Variants in PARD6G observed in about 807,000 individuals in gnomAD.
PARD6G encodes the protein partitioning defective 6 homolog gamma.
PARD6G carries 7 observed loss-of-function variants against 10.7 expected under a neutral mutation model. The ratio of observed to expected loss-of-function variants is 0.66; its 90% CI spans 0.37 to 1.23. The LOEUF is 1.23. PARD6G is among the 50% of genes most tolerant of loss of function. The pLI, the probability that PARD6G is intolerant of heterozygous loss-of-function variation, is 0.02. For synonymous variants in PARD6G, 287 were observed against 269.4 expected, an observed-to-expected ratio of 1.07 and a Z score of -0.64; for missense variants, 548 against 571.8, an observed-to-expected ratio of 0.96 and a Z score of 0.42.
rs1419958018 is a variant in PARD6G, at chr18:80,184,281, G to A, written c.295+18429C>T. On this transcript the variant is annotated intron_variant, in intron 2 of 2. Transcript: ENST00000353265. This position sits in a 1 kb window ranked among gnomAD's most constrained non-coding sequence, Gnocchi z 4.5. ...GCAACTCTATGTTGACGCCTCTGAG[G>A]AACTGCCGGGCTGCAGTGAATCCAG... 2 of 152,276 alleles carry A rather than the reference G, an allele frequency of 1.3e-5. No individual in the cohort carries two copies. The highest frequency in any genetic ancestry group is 4.8e-5 in the African/African-American group (2 of 41,460). 9.4% of individuals were successfully genotyped at this position (152,276 alleles called of 1,614,324 possible).
chr18:80,221,764 C>CAG (rs1213550486), intron 1 of PARD6G, among the ~76,000 whole-genome samples: 1 of 152,186 alleles, frequency 6.6e-6, no homozygotes, highest in Non-Finnish European at 1.5e-5. Flanking sequence ...TCTCTATTCA[C>CAG]AGATGATATG....
chr18:80,229,565 G>C (rs544872110), intron 1 of PARD6G, among the ~76,000 whole-genome samples: 52 of 152,310 alleles, frequency 3.4e-4, no homozygotes, highest in Non-Finnish European at 5.7e-4. Flanking sequence ...CTCTACACCA[G>C]ACCCGGAGTC....
At chr18:80,243,266 T>C (rs1200006274) in intron 1 of PARD6G, among the ~76,000 whole-genome samples, 1 of 152,218 alleles carries the variant, frequency 6.6e-6, no homozygotes, top group Admixed American at 6.5e-5. Context: ...TGCAGTCTTT[T>C]CTGTTGTCTA....
At chr18:80,214,652 G>A (rs928964654) in intron 1 of PARD6G, among the ~76,000 whole-genome samples, 11 of 152,052 alleles carry the variant, frequency 7.2e-5, no homozygotes, top group African/African-American at 2.4e-4. Flanking sequence ...TAGGTACATT[G>A]AGATTATCCA....
chr18:80,224,656 G>T (rs957001181), intron 1 of PARD6G, among the ~76,000 whole-genome samples: 8 of 152,162 alleles, frequency 5.3e-5, no homozygotes, highest in African/African-American at 1.9e-4. Flanking sequence ...GACCAACCTG[G>T]CTAACACGGT....
In PARD6G at chr18:80,160,281, G is replaced by A. The variant is rs776313209; in HGVS notation, c.621C>T (p.Thr207=). 2.7e-5 allele frequency: 43 copies of A among 1,612,026 alleles called. No homozygotes were observed. Among genetic ancestry groups the A allele is most frequent in the Admixed American group, 1.7e-4 (10 of 59,978 alleles). The change falls in exon 3 of 3, where the codon ACC becomes ACT. Residue 207 remains threonine (T), a synonymous_variant. Transcript: ENST00000353265. ...CCTCGTCATTCACAGCCAGCAGCCC[G>A]GTGCTCTCCGCCAGGCCCCCGGGTA... ...RMVPGGLAES[T]GLLAVNDEVL... is the part of the protein sequence containing the mutation.
chr18:80,167,873 T>G (rs1413652222), intron 2 of PARD6G, among the ~76,000 whole-genome samples: 5 of 152,104 alleles, frequency 3.3e-5, no homozygotes. Context: ...GTTCATAAAC[T>G]AATTCTGAAT....
rs753753629 is a variant in PARD6G at position 80,181,762 on chromosome 18, G to A, written c.295+20948C>T. On this transcript the variant is annotated intron_variant, in intron 2 of 2. Coordinates refer to ENST00000353265, the MANE Select transcript of PARD6G (RefSeq NM_032510.4). This position sits in a 1 kb window ranked among gnomAD's most constrained non-coding sequence, Gnocchi z 7.9. ...GCTCCTGGCCTTCCTGATGGGCATC[G>A]GCTCCCCATTCCTCGCGTCCTCTCC... Among the ~76,000 whole-genome samples the A allele has an allele frequency of 6.6e-6, 1 of 152,084 alleles. No homozygotes were observed. Among genetic ancestry groups the A allele is most frequent in the South Asian group, 2.1e-4 (1 of 4,816 alleles).
intron 1 of PARD6G, among the ~76,000 whole-genome samples, chr18:80,238,563 G>A (rs1967453014): frequency 6.6e-6 from 1 of 151,852 alleles, no homozygotes; most frequent in African/African-American, 2.4e-5. Context: ...CTGGTCTGGC[G>A]ATAGAGACCC....
rs1373831972 is a variant in PARD6G at position 80,200,201 on chromosome 18, A to AG, written c.295+2508dup. 6.6e-6 allele frequency among the ~76,000 whole-genome samples: 1 copy of AG among 152,154 alleles called. No individual in the cohort carries two copies. The highest frequency in any genetic ancestry group is 2.4e-5 in the African/African-American group (1 of 41,436). On this transcript the variant is annotated intron_variant, in intron 2 of 2. Coordinates refer to ENST00000353265, the MANE Select transcript of PARD6G (RefSeq NM_032510.4). This position sits in a 1 kb window ranked among gnomAD's most constrained non-coding sequence, Gnocchi z 4.4. ...GCTGTGGGATTGAGTGTTGCCTCTC[A>AG]GGGGCCTCAGCTCTGCCCCAAACGC...
chr18:80,185,152 C>T (rs1372641818), intron 2 of PARD6G, among the ~76,000 whole-genome samples: 1 of 152,186 alleles, frequency 6.6e-6, no homozygotes, highest in Non-Finnish European at 1.5e-5. Context: ...AAGTCTGTAC[C>T]TTTCCCATAC....
At chr18:80,217,997 G>T (rs1401459200) in intron 1 of PARD6G, among the ~76,000 whole-genome samples, 4 of 152,044 alleles carry the variant, frequency 2.6e-5, no homozygotes, top group Non-Finnish European at 5.9e-5. Flanking sequence ...AGAACAGCAT[G>T]GAGGTAACTG....
intron 1 of PARD6G, among the ~76,000 whole-genome samples, chr18:80,217,168 C>G (rs1456137196): frequency 6.6e-6 from 1 of 152,084 alleles, no homozygotes; most frequent in Non-Finnish European, 1.5e-5. Flanking sequence ...GAAAAAGCTC[C>G]CAGTGACTGA....
chr18:80,162,810 G>A (rs533373535), intron 2 of PARD6G, among the ~76,000 whole-genome samples: 19 of 152,276 alleles, frequency 1.2e-4, no homozygotes, highest in South Asian at 4.2e-4. Context: ...AGAAGACGCC[G>A]GAGGGTGAGT....
intron 2 of PARD6G, among the ~76,000 whole-genome samples, chr18:80,177,337 C>T (rs1277712608): frequency 1.4e-5 from 2 of 147,776 alleles, no homozygotes; most frequent in Non-Finnish European, 3.0e-5. Flanking sequence ...AGCGCACACA[C>T]ACACATACAC....
intron 1 of PARD6G, among the ~76,000 whole-genome samples, chr18:80,217,932 G>A (rs756316488): frequency 3.9e-5 from 6 of 152,266 alleles, no homozygotes; most frequent in South Asian, 2.1e-4. Context: ...AGAGTGAAGC[G>A]GCGGGGAGCC....
At chr18:80,226,996 AT>A (rs1394836110) in intron 1 of PARD6G, among the ~76,000 whole-genome samples, 1 of 152,172 alleles carries the variant, frequency 6.6e-6, no homozygotes, top group Admixed American at 6.5e-5. Flanking sequence ...ACAGGGTCTT[AT>A]TCTGTTGCCC....
intron 2 of PARD6G, 144 bp from the exon 3 acceptor site, chr18:80,160,750 GCTGA>G (rs200496457): frequency 0.2 from 258,422 of 1,273,398 alleles, 27,580 homozygotes; most frequent in Middle Eastern, 0.23. Context: ...TGCAGGCTGA[GCTGA>G]AATCAGGCAA....
chr18:80,241,388 T>C (rs1328100338), intron 1 of PARD6G, among the ~76,000 whole-genome samples: 2 of 152,184 alleles, frequency 1.3e-5, no homozygotes, highest in Non-Finnish European at 2.9e-5. Flanking sequence ...TCTTCATCTG[T>C]ATAGTGGGTG....
Sources: gnomAD v4.1 joint callset for allele counts (sites outside exome capture counted in the v4.1 genomes callset) on GRCh38, gnomAD v4.1.1 for gene constraint, Gnocchi (gnomAD v3.1) non-coding constraint, MANE v1.5 for transcripts, NCBI Gene and HGNC (gene_info 2026-07-23, HGNC 2026-07-21) for gene names.